The following UBE2D2 variants were observed in gnomAD, a reference collection of about 807,000 sequenced individuals.
UBE2D2 encodes the protein ubiquitin-conjugating enzyme E2 D2.
In UBE2D2, 2 loss-of-function variants were observed where a neutral mutation model predicts 24.2. The observed-to-expected ratio is 0.08, with a 90% CI of 0.03 to 0.26. The LOEUF (loss-of-function observed/expected upper bound fraction) is 0.26, where lower values mean the gene tolerates loss of function less well. Ranked by LOEUF, UBE2D2 falls within the 10% of genes least tolerant of loss-of-function variation. UBE2D2 has a pLI of 1.00. For missense variants in UBE2D2, 44 were observed against 177.6 expected (o/e 0.25, Z 4.28); for synonymous variants, 58 against 56.5 (o/e 1.03, Z -0.12).
chr5:139,618,035 G>A (rs369649638), intron 5 of UBE2D2, among the ~76,000 whole-genome samples: 1 of 151,724 alleles, frequency 6.6e-6, no homozygotes, highest in East Asian at 1.9e-4. Flanking sequence ...GTGCAGTGGC[G>A]CAATCTCGGC....
chr5:139,625,430 A>ACC (rs71574455), intron 6 of UBE2D2, among the ~76,000 whole-genome samples: 1 of 21,980 alleles, frequency 4.5e-5, no homozygotes, highest in African/African-American at 2.0e-4. Flanking sequence ...ACCCACCCCC[A>ACC]CCCCCCCCCC....
chr5:139,586,738 C>T (rs1753733929), intron 1 of UBE2D2, among the ~76,000 whole-genome samples: 1 of 151,682 alleles, frequency 6.6e-6, no homozygotes, highest in African/African-American at 2.4e-5. Flanking sequence ...GCACTCCAGC[C>T]TGGGCGACAG....
intron 1 of UBE2D2, among the ~76,000 whole-genome samples, chr5:139,570,985 A>G (rs1033346211): frequency 6.6e-6 from 1 of 152,230 alleles, no homozygotes; most frequent in Non-Finnish European, 1.5e-5. Context: ...TTAATCTCTA[A>G]AAAGACTAAA....
intron 2 of UBE2D2, among the ~76,000 whole-genome samples, chr5:139,610,042 A>T (rs1342468905): frequency 6.6e-6 from 1 of 151,262 alleles, no homozygotes; most frequent in Non-Finnish European, 1.5e-5. Flanking sequence ...AAGTGCTGGG[A>T]TTACAGGTGT....
At chr5:139,551,069 A>AG (rs1444909398) in intron 1 of UBE2D2, among the ~76,000 whole-genome samples, 3 of 151,666 alleles carry the variant, frequency 2.0e-5, no homozygotes, top group African/African-American at 7.3e-5. Flanking sequence ...CCGGCGGGGG[A>AG]GGGGGGAGGT....
At chr5:139,545,609 A>G (rs1435406251) in intron 1 of UBE2D2, among the ~76,000 whole-genome samples, 1 of 151,338 alleles carries the variant, frequency 6.6e-6, no homozygotes, top group Non-Finnish European at 1.5e-5. Context: ...TATTTTTAGT[A>G]GAGACAGAGT....
At chr5:139,543,045 C>A (rs978633493) in intron 1 of UBE2D2, among the ~76,000 whole-genome samples, 2 of 151,974 alleles carry the variant, frequency 1.3e-5, no homozygotes, top group African/African-American at 2.4e-5. Flanking sequence ...TACAGGCGCG[C>A]GCCACCATGC....
intron 2 of UBE2D2, among the ~76,000 whole-genome samples, chr5:139,613,862 T>A (rs909042181): frequency 6.6e-6 from 1 of 152,108 alleles, no homozygotes; most frequent in African/African-American, 2.4e-5. Flanking sequence ...GTCAGGAGTT[T>A]GAGACCTGGC....
chr5:139,548,193 A>AAAAAAATAAAT, intron 1 of UBE2D2, among the ~76,000 whole-genome samples: 31 of 47,102 alleles, frequency 6.6e-4, no homozygotes, highest in Non-Finnish European at 9.5e-4. Context: ...ATAAAAAAAA[A>AAAAAAATAAAT]AAATAAATAA....
chr5:139,568,827 C>T (rs753912757), intron 1 of UBE2D2, among the ~76,000 whole-genome samples: 3 of 151,874 alleles, frequency 2.0e-5, no homozygotes, highest in African/African-American at 4.8e-5. Context: ...AAAAATTAGC[C>T]GGGCATGGTG....
rs150755898 is a variant in UBE2D2, at chr5:139,550,108, A to C, written c.-64+23496A>C. Among the ~76,000 whole-genome samples, 1,171 of 151,696 alleles carry C rather than the reference A, an allele frequency of 7.7e-3. 8 individuals are homozygous for C. The highest frequency in any genetic ancestry group is 0.041 in the Middle Eastern group (12 of 294). ...TCTAGTGGGGACTTGGAGAACCTTT[A>C]TGTCTAGCTAAAGGATTGTAAATAC... On this transcript the variant is annotated intron_variant, in intron 1 of 6. Coordinates refer to the UBE2D2 transcript ENST00000511725.
At chr5:139,587,346 A>C (rs1344801039) in intron 1 of UBE2D2, among the ~76,000 whole-genome samples, 1 of 152,074 alleles carries the variant, frequency 6.6e-6, no homozygotes, top group Non-Finnish European at 1.5e-5. Flanking sequence ...ACAGCAGCAA[A>C]CAGTAGTGGT....
intron 1 of UBE2D2, among the ~76,000 whole-genome samples, chr5:139,528,076 C>A (rs1034174701): frequency 5.3e-5 from 8 of 152,254 alleles, no homozygotes; most frequent in Non-Finnish European, 2.9e-5. Flanking sequence ...AAGGGCCATG[C>A]AGCTTCTGTC....
chr5:139,532,878 G>A (rs1172699992), intron 1 of UBE2D2, among the ~76,000 whole-genome samples: 10 of 151,860 alleles, frequency 6.6e-5, no homozygotes, highest in Admixed American at 3.9e-4. Flanking sequence ...AGGCCAAGGC[G>A]GGTGGATCAC....
rs189128784 is a variant in UBE2D2 at position 139,602,705 on chromosome 5, A to C, written c.88+2270A>C. Among the ~76,000 whole-genome samples, 40 of 152,070 alleles carry C rather than the reference A, an allele frequency of 2.6e-4. No individual in the cohort carries two copies. In the East Asian group the frequency reaches 5.4e-3, roughly 21 times the overall value. On this transcript the variant is annotated intron_variant, in intron 2 of 6. Coordinates refer to ENST00000398733, the MANE Select transcript of UBE2D2 (RefSeq NM_003339.3). ...ACAAAAACAACAACAACAACAACAAAAAACGGAAAAAAAGAATGTGTCTGG... is the reference window on the plus strand; with the variant it reads ...ACAAAAACAACAACAACAACAACAACAAACGGAAAAAAAGAATGTGTCTGG...
At chr5:139,594,588 A>G (rs1427773262) in intron 1 of UBE2D2, among the ~76,000 whole-genome samples, 1 of 151,804 alleles carries the variant, frequency 6.6e-6, no homozygotes, top group Non-Finnish European at 1.5e-5. Flanking sequence ...TAATTTTTGT[A>G]TTTTTAGTAC....
chr5:139,611,175 CTTTTTTTTTTTTTTTTTT>C (rs60626896), intron 2 of UBE2D2, among the ~76,000 whole-genome samples: 8 of 58,790 alleles, frequency 1.4e-4, no homozygotes, highest in Non-Finnish European at 2.1e-4. Context: ...AGTTTTCCTT[CTTTTTTTTTTTTTTTTTT>C]TTTTTTTTTT....
chr5:139,593,560 A>G (rs1753898048), intron 1 of UBE2D2, among the ~76,000 whole-genome samples: 1 of 152,124 alleles, frequency 6.6e-6, no homozygotes, highest in Admixed American at 6.6e-5. Flanking sequence ...ACACACAAAT[A>G]GGTATTGATG....
At chr5:139,596,189 G>T (rs1011308526) in intron 1 of UBE2D2, among the ~76,000 whole-genome samples, 1 of 151,828 alleles carries the variant, frequency 6.6e-6, no homozygotes, top group Non-Finnish European at 1.5e-5. Flanking sequence ...CCTGTGCCTG[G>T]CGTTTCTTGT....
Sources: allele counts gnomAD v4.1 joint callset (sites outside exome capture counted in the v4.1 genomes callset), GRCh38; gene constraint gnomAD v4.1.1; transcripts MANE v1.5; gene names NCBI Gene and HGNC (gene_info 2026-07-23, HGNC 2026-07-21).